Variants in DEPDC1B observed in about 807,000 individuals in gnomAD.
DEPDC1B encodes the protein DEP domain containing 1B.
Under a neutral mutation model 66.5 loss-of-function variants are expected in DEPDC1B, and 51 were observed. That is an observed-to-expected ratio of 0.77 (90% CI 0.61 to 0.97). The LOEUF is 0.97. DEPDC1B is among the 50% of genes least tolerant of loss of function. The pLI is 0.00. For synonymous variants in DEPDC1B, 226 were observed against 223.6 expected (o/e 1.01, Z -0.10); for missense variants, 552 against 637.1 (o/e 0.87, Z 1.44).
chr5:60,675,179 T>C (rs1459047517), intron 2 of DEPDC1B, among the ~76,000 whole-genome samples: 1 of 152,192 alleles, frequency 6.6e-6, no homozygotes, highest in Non-Finnish European at 1.5e-5. Flanking sequence ...GTTTCCACTG[T>C]AGGGCACAGG....
chr5:60,697,548 C>T (rs1051941681), intron 1 of DEPDC1B, among the ~76,000 whole-genome samples: 1 of 152,088 alleles, frequency 6.6e-6, no homozygotes, highest in African/African-American at 2.4e-5. Context: ...AGCTTTAAGT[C>T]ACAGCTGAAT....
intron 2 of DEPDC1B, among the ~76,000 whole-genome samples, chr5:60,671,337 T>C (rs907479640): frequency 2.6e-5 from 4 of 152,118 alleles, no homozygotes; most frequent in Admixed American, 6.5e-5. Context: ...GCACAAGAAA[T>C]GGACTGTGCT....
intron 7 of DEPDC1B, among the ~76,000 whole-genome samples, chr5:60,616,595 T>G (rs978547761): frequency 1.3e-5 from 2 of 152,090 alleles, no homozygotes; most frequent in East Asian, 3.9e-4. Context: ...GAAAAAAGAA[T>G]AAAAAGAAAC....
chr5:60,638,562 T>C (rs1244841372), intron 7 of DEPDC1B, among the ~76,000 whole-genome samples, 188 bp downstream of exon 7: 3 of 152,224 alleles, frequency 2.0e-5, no homozygotes, highest in Non-Finnish European at 4.4e-5. Context: ...AGTTTCTTAA[T>C]AGAGCTTAAC....
intron 7 of DEPDC1B, among the ~76,000 whole-genome samples, chr5:60,613,819 T>TGC: frequency 7.8e-6 from 1 of 128,974 alleles, no homozygotes; most frequent in Non-Finnish European, 1.7e-5. Context: ...TGTGTGTGTG[T>TGC]GTGTGTGTGT....
At chr5:60,660,305 A>T (rs1387892787) in intron 2 of DEPDC1B, among the ~76,000 whole-genome samples, 1 of 129,702 alleles carries the variant, frequency 7.7e-6, no homozygotes, top group African/African-American at 2.7e-5. Flanking sequence ...GAGACAGGAG[A>T]GAGAGACAAA....
intron 7 of DEPDC1B, chr5:60,628,177 T>C (rs1752844579): frequency 6.6e-6 from 1 of 152,210 alleles, no homozygotes; most frequent in African/African-American, 2.4e-5. Flanking sequence ...AAGTACAGAA[T>C]TATTCAGAAT....
At chr5:60,666,509 A>T (rs1470871793) in intron 2 of DEPDC1B, among the ~76,000 whole-genome samples, 3 of 152,030 alleles carry the variant, frequency 2.0e-5, no homozygotes, top group Non-Finnish European at 4.4e-5. Context: ...GCTTTCTGAG[A>T]CCCAAATTGC....
chr5:60,638,922 T>G (rs762802095), intron 6 of DEPDC1B, 32 bp from the exon 7 acceptor site: 2 of 1,603,290 alleles, frequency 1.2e-6, no homozygotes, highest in African/African-American at 2.7e-5. Context: ...AAGAGAAACA[T>G]TAATGGAGTA....
At chr5:60,604,274 G>A (rs1692958741) in intron 8 of DEPDC1B, among the ~76,000 whole-genome samples, 2 of 122,720 alleles carry the variant, frequency 1.6e-5, no homozygotes, top group Non-Finnish European at 3.2e-5. Context: ...ATGCTGGAGT[G>A]CAATGGTGTG....
At chr5:60,655,959 T>C (rs1196988975) in intron 2 of DEPDC1B, among the ~76,000 whole-genome samples, 1 of 144,342 alleles carries the variant, frequency 6.9e-6, no homozygotes, top group Non-Finnish European at 1.5e-5. Flanking sequence ...TCCAATTTTA[T>C]TCCCCTGTGG....
At chr5:60,660,141 G>A (rs187433643) in intron 2 of DEPDC1B, among the ~76,000 whole-genome samples, 63 of 152,060 alleles carry the variant, frequency 4.1e-4, no homozygotes, top group African/African-American at 1.5e-3. Context: ...TCTACAAGGA[G>A]ATAGAGAGGA....
intron 8 of DEPDC1B, 98 bp from the exon 9 acceptor site, chr5:60,603,665 G>C: frequency 3.2e-6 from 4 of 1,265,258 alleles, no homozygotes; most frequent in Non-Finnish European, 4.2e-6. Flanking sequence ...AATGGTCTAA[G>C]GCACAGGGTG....
intron 7 of DEPDC1B, among the ~76,000 whole-genome samples, chr5:60,624,780 G>A (rs11959922): frequency 0.46 from 69,833 of 151,924 alleles, 17,351 homozygotes; most frequent in East Asian, 0.57. Context: ...GTGCAGGTTT[G>A]TAACACAGGT....
At chr5:60,650,267 A>G (rs1221884386) in intron 2 of DEPDC1B, among the ~76,000 whole-genome samples, 2 of 152,228 alleles carry the variant, frequency 1.3e-5, no homozygotes, top group Non-Finnish European at 2.9e-5. Flanking sequence ...AGACATTCTT[A>G]AAGAAGAAAA....
intron 7 of DEPDC1B, among the ~76,000 whole-genome samples, chr5:60,619,824 A>G (rs1189405882): frequency 6.6e-6 from 1 of 152,240 alleles, no homozygotes; most frequent in East Asian, 1.9e-4. Context: ...AAGAGCCCGC[A>G]TTACCAAATC....
chr5:60,664,511 GC>G (rs756924792), intron 2 of DEPDC1B, among the ~76,000 whole-genome samples: 6 of 152,268 alleles, frequency 3.9e-5, no homozygotes, highest in Admixed American at 6.5e-5. Flanking sequence ...TCTTAACCCA[GC>G]CACATTTCTT....
intron 9 of DEPDC1B, among the ~76,000 whole-genome samples, chr5:60,601,037 G>A (rs368291043): frequency 5.3e-5 from 8 of 152,196 alleles, no homozygotes; most frequent in African/African-American, 1.2e-4. Flanking sequence ...CCTTTTGCTC[G>A]GTGCTTCTCT....
At chr5:60,641,236 TCAGTA>T (rs1753184631) in intron 6 of DEPDC1B, among the ~76,000 whole-genome samples, 1 of 152,194 alleles carries the variant, frequency 6.6e-6, no homozygotes, top group South Asian at 2.1e-4. Context: ...TTACTACATT[TCAGTA>T]ATCATTGAAA....
Sources: gnomAD v4.1 joint callset for allele counts (sites outside exome capture counted in the v4.1 genomes callset) on GRCh38, gnomAD v4.1.1 for gene constraint, MANE v1.5 for transcripts, NCBI Gene and HGNC (gene_info 2026-07-23, HGNC 2026-07-21) for gene names.